PRKX: variants seen among roughly 807,000 people sequenced by gnomAD.
PRKX encodes the protein protein kinase cAMP-dependent X-linked catalytic subunit.
A neutral mutation model predicts 22.0 loss-of-function variants in PRKX; 12 were observed. The ratio of observed to expected loss-of-function variants is 0.54; its 90% CI spans 0.35 to 0.88. The LOEUF is 0.88. Among genes scored for constraint, PRKX ranks in the 40% least tolerant of loss-of-function variants. PRKX has a pLI of 0.01. For missense variants in PRKX, 217 were observed against 308.0 expected, an observed-to-expected ratio of 0.70 and a Z score of 2.21; for synonymous variants, 134 against 137.7, an observed-to-expected ratio of 0.97 and a Z score of 0.19.
intron 1 of PRKX, among the ~76,000 whole-genome samples, chrX:3,700,658 G>A (rs922803742): frequency 1.8e-5 from 2 of 108,651 alleles, no homozygotes; most frequent in Admixed American, 1.0e-4. Flanking sequence ...AGCTCACTTC[G>A]ACCTCGACCT....
At chrX:3,610,464 C>T (rs1926271476) in intron 8 of PRKX, among the ~76,000 whole-genome samples, 1 of 110,307 alleles carries the variant, frequency 9.1e-6, no homozygotes. Flanking sequence ...CCTGGGCAAC[C>T]GAGCGAGACT....
chrX:3,627,781 G>C (rs1466606006), intron 4 of PRKX, among the ~76,000 whole-genome samples: 1 of 111,078 alleles, frequency 9.0e-6, no homozygotes, highest in Non-Finnish European at 1.9e-5. Flanking sequence ...GAACTCTTAC[G>C]CAATGTTGGT....
chrX:3,634,786 C>G (rs776305981), intron 4 of PRKX, among the ~76,000 whole-genome samples: 61 of 112,004 alleles, frequency 5.4e-4, no homozygotes, highest in Non-Finnish European at 9.2e-4. Context: ...GACCTCCCAG[C>G]CTCAGTGATC....
At chrX:3,706,557 C>T (rs2146615176) in intron 1 of PRKX, among the ~76,000 whole-genome samples, 1 of 111,734 alleles carries the variant, frequency 8.9e-6, no homozygotes, top group African/African-American at 3.2e-5. Context: ...ACGATCTCAG[C>T]CCACTGCAAC....
intron 1 of PRKX, among the ~76,000 whole-genome samples, chrX:3,688,698 A>T (rs1322610366): frequency 9.7e-6 from 1 of 102,582 alleles, no homozygotes; most frequent in Non-Finnish European, 2.0e-5. Flanking sequence ...CACCATCTAT[A>T]AAAAAAAAAA....
chrX:3,631,483 TCCC>T (rs1233181140), intron 4 of PRKX, among the ~76,000 whole-genome samples: 1 of 110,275 alleles, frequency 9.1e-6, no homozygotes, highest in African/African-American at 3.3e-5. Context: ...GGGAGTATCC[TCCC>T]CTAGAGCCTC....
chrX:3,615,601 G>T, intron 7 of PRKX, among the ~76,000 whole-genome samples: 1 of 111,913 alleles, frequency 8.9e-6, no homozygotes. Flanking sequence ...GACTGGGTGT[G>T]GTGGCTCCTG....
At chrX:3,702,693 C>CT (rs747061377) in intron 1 of PRKX, among the ~76,000 whole-genome samples, 196 of 89,031 alleles carry the variant, frequency 2.2e-3, no homozygotes, top group African/African-American at 4.8e-3. Flanking sequence ...GTCTATTTTT[C>CT]TTTTTTTTTT....
At chrX:3,616,650 T>C (rs1172884668) in intron 6 of PRKX, among the ~76,000 whole-genome samples, 4 of 112,433 alleles carry the variant, frequency 3.6e-5, no homozygotes, top group African/African-American at 9.7e-5. Flanking sequence ...TTAGCATTAC[T>C]GTAGTTTCAA....
chrX:3,678,591 G>A (rs1048088257), intron 1 of PRKX, among the ~76,000 whole-genome samples: 11 of 112,081 alleles, frequency 9.8e-5, no homozygotes, highest in East Asian at 2.8e-4. Flanking sequence ...GGATCTTTGC[G>A]CTACCCTGGG....
At chrX:3,685,638 G>A (rs895273511) in intron 1 of PRKX, among the ~76,000 whole-genome samples, 3 of 111,239 alleles carry the variant, frequency 2.7e-5, no homozygotes, top group African/African-American at 9.8e-5. Context: ...TATCCATTTG[G>A]CAAGGACTCC....
At chrX:3,632,942 GCA>G (rs1926814281) in intron 4 of PRKX, among the ~76,000 whole-genome samples, 2 of 112,843 alleles carry the variant, frequency 1.8e-5, no homozygotes, top group African/African-American at 6.4e-5. Context: ...CCCAGGCTAG[GCA>G]CAGTGGCTCA....
intron 1 of PRKX, among the ~76,000 whole-genome samples, chrX:3,705,359 C>T (rs1928660653): frequency 9.0e-6 from 1 of 111,667 alleles, no homozygotes; most frequent in Non-Finnish European, 1.9e-5. Context: ...AAAGCCCCAC[C>T]TCCTAACACC....
intron 1 of PRKX, among the ~76,000 whole-genome samples, chrX:3,677,871 G>A (rs1326483554): frequency 8.9e-6 from 1 of 112,113 alleles, no homozygotes; most frequent in African/African-American, 3.2e-5. Context: ...ATAGCTGACA[G>A]GTGTTAAATA....
chrX:3,689,810 C>T (rs189671541), intron 1 of PRKX, among the ~76,000 whole-genome samples: 3,809 of 111,037 alleles, frequency 0.034, 63 homozygotes, highest in Non-Finnish European at 0.039. Flanking sequence ...ACCCTGTCTC[C>T]ACTAAAAATA....
intron 2 of PRKX, among the ~76,000 whole-genome samples, chrX:3,667,087 G>A (rs745892166): frequency 1.8e-5 from 2 of 111,130 alleles, no homozygotes; most frequent in East Asian, 5.6e-4. Flanking sequence ...AACAACGACT[G>A]AGACAAGGGA....
intron 3 of PRKX, among the ~76,000 whole-genome samples, chrX:3,652,570 C>T (rs773429193): frequency 5.4e-5 from 6 of 110,588 alleles, no homozygotes; most frequent in Admixed American, 9.6e-5. Flanking sequence ...GACGACAGAG[C>T]GAGACTTCGT....
At chrX:3,621,143 C>A in intron 6 of PRKX, 116 bp downstream of exon 6, 1 of 539,506 alleles carries the variant, frequency 1.9e-6, no homozygotes, top group Non-Finnish European at 2.9e-6. Flanking sequence ...GAAATTTGGG[C>A]AGTGATTAAA....
intron 1 of PRKX, among the ~76,000 whole-genome samples, chrX:3,688,211 C>T (rs779947474): frequency 0.09 from 9,029 of 100,222 alleles, 645 homozygotes; most frequent in East Asian, 0.28. Flanking sequence ...TTTGGGAGGC[C>T]GAGGCAGGTG....
Sources: allele counts gnomAD v4.1 joint callset (sites outside exome capture counted in the v4.1 genomes callset), GRCh38; gene constraint gnomAD v4.1.1; transcripts MANE v1.5; gene names NCBI Gene and HGNC (gene_info 2026-07-23, HGNC 2026-07-21).